Variants in TRPM4 observed in about 807,000 individuals in gnomAD.
TRPM4 encodes the protein transient receptor potential cation channel subfamily M member 4.
Under a neutral mutation model 135.6 loss-of-function variants are expected in TRPM4, and 124 were observed. The ratio of observed to expected loss-of-function variants is 0.91; its 90% CI spans 0.79 to 1.06. TRPM4 has a LOEUF of 1.06. Among genes scored for constraint, TRPM4 ranks in the 50% least tolerant of loss-of-function variants. TRPM4 has a pLI of 0.00. For missense variants in TRPM4, 1,658 were observed against 1,671.4 expected, an observed-to-expected ratio of 0.99 and a Z score of 0.14; for synonymous variants, 745 against 705.6, an observed-to-expected ratio of 1.06 and a Z score of -0.88.
chr19:49,204,948 G>T (rs2145981442), intron 20 of TRPM4, among the ~76,000 whole-genome samples: 2 of 126,990 alleles, frequency 1.6e-5, no homozygotes, highest in South Asian at 2.5e-4. Flanking sequence ...CATGATTTTT[G>T]CTGAGAAAAT....
At chr19:49,202,244 C>A in intron 20 of TRPM4, 103 bp downstream of exon 20, 1 of 1,373,924 alleles carries the variant, frequency 7.3e-7, no homozygotes, top group Non-Finnish European at 1.0e-6. Flanking sequence ...AGTCCCTGAA[C>A]TCTGATCCAA....
chr19:49,169,172 C>G (rs1967355554), intron 6 of TRPM4, among the ~76,000 whole-genome samples: 1 of 151,408 alleles, frequency 6.6e-6, no homozygotes, highest in African/African-American at 2.4e-5. Context: ...TGCACTCCAG[C>G]CTGGGCGACA....
At chr19:49,178,948 T>C (rs1012248065) in intron 9 of TRPM4, among the ~76,000 whole-genome samples, 2 of 150,904 alleles carry the variant, frequency 1.3e-5, no homozygotes, top group Admixed American at 6.6e-5. Context: ...TTAGTAGAGA[T>C]GGGGTTTCAC....
Position 49,196,259 on chromosome 19 carries a change from C to G in TRPM4, c.2211-181C>G, listed in dbSNP as rs1035731246. On this transcript the variant is annotated intron_variant, in intron 16 of 24. Coordinates refer to ENST00000252826, the MANE Select transcript of TRPM4 (RefSeq NM_017636.4). ...TCAAGCGATCAATCCACCTCTTGAC[C>G]GGAGATTTCAGAGGTCAGAGGTTAG... Among the ~76,000 whole-genome samples, 22 of 152,308 alleles carry G rather than the reference C, an allele frequency of 1.4e-4. 1 individual carries two copies. Among genetic ancestry groups the G allele is most frequent in the Admixed American group, 6.5e-5 (1 of 15,294 alleles).
chr19:49,167,157 CA>C (rs1967230371), intron 3 of TRPM4, among the ~76,000 whole-genome samples: 14 of 100,018 alleles, frequency 1.4e-4, no homozygotes, highest in Middle Eastern at 6.0e-3. Context: ...TCTCTGTCGC[CA>C]TCTCTCTGGG....
rs367554662 is a variant in TRPM4, at chr19:49,196,890, C to A, written c.2645+16C>A. ...TGGGCTGCCGGTGAGTGCCCCGGGG[C>A]CTTGGAACCCTGGCCCCTGGCCACC... On this transcript the variant is annotated intron_variant, in intron 17 of 24. Transcript: ENST00000252826. The A allele has an allele frequency of 3.7e-5, 57 of 1,560,786 alleles. No individual in the cohort carries two copies. In the African/African-American group the frequency reaches 7.2e-4, roughly 20 times the overall value.
At position 49,201,991 on chromosome 19, in the gene TRPM4, C is replaced by T. The variant is rs575737661; in HGVS notation, c.2981C>T (p.Ser994Leu). The change falls in exon 20 of 25, where the codon TCG becomes TTG. Residue 994 changes from serine to leucine, a missense_variant. Physicochemically the swap from Ser to Leu is moderately radical, Grantham distance 145. Transcript: ENST00000252826. ...DVALMEHSNCSSEPGFWAHPP... is the reference protein window; with the variant it reads ...DVALMEHSNCLSEPGFWAHPP... ...GCCCTCATGGAGCACAGCAACTGCT[C>T]GTCGGAGCCCGGCTTCTGGGCACAC... 1.2e-5 allele frequency: 19 copies of T among 1,613,672 alleles called. No homozygotes were observed. The highest frequency in any genetic ancestry group is 2.2e-5 in the South Asian group (2 of 91,072).
rs1968356892 is a variant in TRPM4 at position 49,190,197 on chromosome 19, AC to A, written c.2020-5del. 1 of 1,608,088 alleles carries A rather than the reference AC, an allele frequency of 6.2e-7. No individual in the cohort carries two copies. Among genetic ancestry groups the A allele is most frequent in the East Asian group, 2.2e-5 (1 of 44,834 alleles). On this transcript the variant is annotated splice_polypyrimidine_tract_variant and intron_variant, in intron 14 of 24. Transcript: ENST00000252826. ...GGAGATTTGGATCCTAATCCTTCCC[AC>A]CCCCCACAGTCTCTGCTGACACAGA...
chr19:49,183,156 C>T lies in TRPM4; in HGVS notation c.1687C>T (p.Leu563Phe). Residue 563 changes from leucine to phenylalanine, a missense_variant, in exon 12 of 25, where the codon CTT (leucine) becomes TTT (phenylalanine). Coordinates refer to ENST00000252826, the MANE Select transcript of TRPM4 (RefSeq NM_017636.4). ...GLGQAPWSDL[L>F]LWALLLNRAQ... is the part of the protein sequence containing the mutation. ...CGGGCAGGCCCCCTGGAGCGACCTG[C>T]TTCTTTGGGCACTGTTGCTGAACAG... is the stretch of plus-strand genomic sequence containing the variant. 1 of 1,614,082 alleles carries T rather than the reference C, an allele frequency of 6.2e-7. No homozygotes were observed. The highest frequency in any genetic ancestry group is 8.5e-7 in the Non-Finnish European group (1 of 1,179,998).
At chr19:49,199,908 C>G (rs1055917879) in intron 17 of TRPM4, among the ~76,000 whole-genome samples, 3 of 152,180 alleles carry the variant, frequency 2.0e-5, no homozygotes, top group African/African-American at 7.2e-5. Flanking sequence ...GCCGTTTGAA[C>G]GTCCTCTGTG....
chr19:49,160,735 G>A (rs1016261330), intron 2 of TRPM4, among the ~76,000 whole-genome samples: 1 of 152,084 alleles, frequency 6.6e-6, no homozygotes, highest in African/African-American at 2.4e-5. Flanking sequence ...TTGGCTCTGG[G>A]TGTGGAAAAA....
chr19:49,202,219 A>G, intron 20 of TRPM4, 78 bp downstream of exon 20: 1 of 1,519,074 alleles, frequency 6.6e-7, no homozygotes, highest in Non-Finnish European at 9.1e-7. Flanking sequence ...ACCCCGTCTA[A>G]TGAATTCTGT....
chr19:49,167,935 C>G lies in TRPM4; in HGVS notation c.286C>G (p.Arg96Gly). ...TCCACAGTTCCTCCGGCTCTCTGACCGAACGGATCCAGCTGCAGTTTATAG... is the reference window on the plus strand; with the variant it reads ...TCCACAGTTCCTCCGGCTCTCTGACGGAACGGATCCAGCTGCAGTTTATAG... Reference protein sequence around the residue: ...KHSNFLRLSDRTDPAAVYSLV... With the variant: ...KHSNFLRLSDGTDPAAVYSLV... Residue 96 changes from arginine (R) to glycine (G), a missense_variant, in exon 4 of 25, where the codon CGA becomes GGA. By Grantham distance (125) the Arg-to-Gly change is moderately radical. Around this residue, in one of 3 missense-constraint regions of TRPM4, gnomAD observed 239 missense variants for 240.1 expected, o/e 1.00. Transcript: ENST00000252826. 1.2e-6 allele frequency: 2 copies of G among 1,614,084 alleles called. No individual in the cohort carries two copies. Among genetic ancestry groups the G allele is most frequent in the East Asian group, 2.2e-5 (1 of 44,880 alleles).
In TRPM4 at chr19:49,182,803, G is replaced by T. The variant is rs1467597253; in HGVS notation, c.1489G>T (p.Glu497Ter). ...KAPALKGGAA[E>*]LRPPDVGHVL... is the part of the protein sequence containing the mutation. ...CCCAGCCCTAAAAGGGGGAGCTGCG[G>T]AGCTCCGGCCCCCTGACGTGGGGCA... Residue 497 changes from glutamate to a stop codon, truncating the protein, a stop_gained, in exon 11 of 25, where the codon GAG becomes TAG. Transcript: ENST00000252826. LOFTEE classifies it high-confidence loss of function. The T allele has an allele frequency of 6.3e-7, 1 of 1,577,662 alleles. No individual in the cohort carries two copies. Among genetic ancestry groups the T allele is most frequent in the Admixed American group, 1.7e-5 (1 of 59,314 alleles).
At chr19:49,158,603 CATT>C in intron 2 of TRPM4, 1 of 283,088 alleles carries the variant, frequency 3.5e-6, no homozygotes. Flanking sequence ...TTCATTCATT[CATT>C]CATTCATTCA....
intron 9 of TRPM4, 70 bp downstream of exon 9, chr19:49,172,178 C>A: frequency 8.6e-7 from 1 of 1,167,828 alleles, no homozygotes; most frequent in Non-Finnish European, 1.3e-6. Flanking sequence ...GGCCTGGGCA[C>A]TTCATCCACC....
chr19:49,185,934 A>G (rs1968181393), intron 12 of TRPM4, among the ~76,000 whole-genome samples: 2 of 152,176 alleles, frequency 1.3e-5, no homozygotes, highest in South Asian at 4.2e-4. Flanking sequence ...TATTTTTCAT[A>G]GAGACGGGGT....
intron 17 of TRPM4, among the ~76,000 whole-genome samples, chr19:49,197,259 C>G (rs1193037008): frequency 6.6e-6 from 1 of 151,624 alleles, no homozygotes; most frequent in East Asian, 1.9e-4. Context: ...CTGCCCCCGA[C>G]TTTTTCTTTC....
At position 49,187,513 on chromosome 19, in the gene TRPM4, TA is replaced by T. The variant is rs543057028; in HGVS notation, c.1744-1115del. ...AAGCAGACCACCACGCCTGGCTAACTAAAAAAAAAAAAATTTTGTAGAGATG... is the reference window on the plus strand; with the variant it reads ...AAGCAGACCACCACGCCTGGCTAACTAAAAAAAAAAAATTTTGTAGAGATG... On this transcript the variant is annotated intron_variant, in intron 12 of 24. Coordinates refer to ENST00000252826, the MANE Select transcript of TRPM4 (RefSeq NM_017636.4). Among the ~76,000 whole-genome samples, 385 of 144,732 alleles carry T rather than the reference TA, an allele frequency of 2.7e-3. 1 individual carries two copies. Among genetic ancestry groups the T allele is most frequent in the Middle Eastern group, 7.0e-3 (2 of 286 alleles). 94.9% of individuals were successfully genotyped at this position (144,732 alleles called of 152,430 possible).
Sources: gnomAD v4.1 joint callset for allele counts (sites outside exome capture counted in the v4.1 genomes callset) on GRCh38, gnomAD v4.1.1 for gene constraint, gnomAD v4.1.1 regional missense constraint, MANE v1.5 for transcripts, NCBI Gene and HGNC (gene_info 2026-07-23, HGNC 2026-07-21) for gene names.